Variants in CACNA1B observed in about 807,000 individuals in gnomAD.
The protein encoded by CACNA1B is calcium voltage-gated channel subunit alpha1 B.
In CACNA1B, 70 loss-of-function variants were observed where a neutral mutation model predicts 247.2. The ratio of observed to expected loss-of-function variants is 0.28; its 90% confidence interval spans 0.23 to 0.35. CACNA1B has a LOEUF of 0.35. CACNA1B is among the 10% of genes least tolerant of loss of function. The probability of loss-of-function intolerance (pLI) is 1.00; values close to 1 mark genes in which losing one functional copy is unlikely to be tolerated. For missense variants in CACNA1B, 2,367 were observed against 3,197.4 expected, an observed-to-expected ratio of 0.74 and a Z score of 6.26; for synonymous variants, 1,231 against 1,294.4, an observed-to-expected ratio of 0.95 and a Z score of 1.05.
In CACNA1B at chr9:137,969,828, C is replaced by A. The variant is rs1310120151; in HGVS notation, c.1334-1555C>A. 3.9e-5 allele frequency among the ~76,000 whole-genome samples: 6 copies of A among 152,220 alleles called. No homozygotes were observed. In the South Asian group the frequency reaches 1.2e-3, roughly 32 times the overall value. ...TGGGCTTGTTCTGTGCACAGCTCTG[C>A]CTGTGTGTGTGCCCCTCCTTATCTG... On this transcript the variant is annotated intron_variant, in intron 10 of 46. Coordinates refer to ENST00000371372, the MANE Select transcript of CACNA1B (RefSeq NM_000718.4).
At chr9:137,935,926 G>A (rs1452769927) in intron 6 of CACNA1B, among the ~76,000 whole-genome samples, 1 of 152,082 alleles carries the variant, frequency 6.6e-6, no homozygotes, top group African/African-American at 2.4e-5. Flanking sequence ...GCACGATCTC[G>A]GCTCACTGCA....
intron 22 of CACNA1B, among the ~76,000 whole-genome samples, 151 bp downstream of exon 22, chr9:138,047,184 C>G (rs1217716960): frequency 6.6e-6 from 1 of 152,176 alleles, no homozygotes; most frequent in African/African-American, 2.4e-5. Flanking sequence ...CAGTGCACGA[C>G]CAAAGGTCTG....
chr9:137,895,557 A>AT (rs1957163190), intron 3 of CACNA1B, among the ~76,000 whole-genome samples: 1 of 152,220 alleles, frequency 6.6e-6, no homozygotes, highest in African/African-American at 2.4e-5. Flanking sequence ...CAAGTCCTGT[A>AT]CATGTTTTGT....
chr9:137,996,130 C>T lies in CACNA1B; in HGVS notation c.1974+9276C>T, dbSNP rs569028606. ...TAAAGAACTAAAAGTATATCTACCA[C>T]CATTTGATCAGCAATCCCACTTCTA... On this transcript the variant is annotated intron_variant, in intron 15 of 46. Transcript: ENST00000371372. Among the ~76,000 whole-genome samples, 3 of 152,264 alleles carry T rather than the reference C, an allele frequency of 2.0e-5. No homozygotes were observed. In the East Asian group the frequency reaches 5.8e-4, roughly 29 times the overall value.
chr9:138,085,492 A>C (rs1012702755), intron 36 of CACNA1B, among the ~76,000 whole-genome samples: 3 of 151,290 alleles, frequency 2.0e-5, no homozygotes, highest in Non-Finnish European at 4.4e-5. Flanking sequence ...GAAAATTCCC[A>C]AGTCTGGGGA....
chr9:138,052,824 CA>C lies in CACNA1B; in HGVS notation c.3807+637del, dbSNP rs1409254309. Among the ~76,000 whole-genome samples, 1 of 152,192 alleles carries C rather than the reference CA, an allele frequency of 6.6e-6. No individual in the cohort carries two copies. The highest frequency in any genetic ancestry group is 2.4e-5 in the African/African-American group (1 of 41,438). ...GAAGGCGTCGGAGGCCCACTGGGTC[CA>C]GGGAGGAGTGGCACCTGCCCTGGCA... is the stretch of plus-strand genomic sequence containing the variant. On this transcript the variant is annotated intron_variant, in intron 25 of 46. Coordinates refer to ENST00000371372, the MANE Select transcript of CACNA1B (RefSeq NM_000718.4). The surrounding 1 kb of genome is among the most constrained non-coding windows in gnomAD (Gnocchi z 5.1).
rs1022441268 is a variant in CACNA1B at position 138,100,300 on chromosome 9, A to G, written c.5223-2411A>G. Among the ~76,000 whole-genome samples, 1 of 152,196 alleles carries G rather than the reference A, an allele frequency of 6.6e-6. No homozygotes were observed. Among genetic ancestry groups the G allele is most frequent in the Non-Finnish European group, 1.5e-5 (1 of 68,028 alleles). Reference sequence around the variant, plus strand: ...AGAAAGGCATTGAAATTGGTTGAACAAGTCGCTTTGATTTTGCGTTGTAGA... The same window carrying G: ...AGAAAGGCATTGAAATTGGTTGAACGAGTCGCTTTGATTTTGCGTTGTAGA... On this transcript the variant is annotated intron_variant, in intron 37 of 46. Transcript: ENST00000371372. The surrounding 1 kb of genome is among the most constrained non-coding windows in gnomAD (Gnocchi z 4.6).
At chr9:138,069,720 A>G (rs1049421753) in intron 31 of CACNA1B, 38 bp from the exon 32 acceptor site, 32 of 1,563,742 alleles carry the variant, frequency 2.0e-5, no homozygotes, top group Non-Finnish European at 2.5e-5. Context: ...ATTTGTAAAT[A>G]ATATGCAAAT....
intron 15 of CACNA1B, among the ~76,000 whole-genome samples, chr9:137,998,801 T>C (rs1958530112): frequency 6.6e-6 from 1 of 152,142 alleles, no homozygotes; most frequent in South Asian, 2.1e-4. Flanking sequence ...AAATAAAAAC[T>C]TTACCATCTT....
At chr9:138,002,859 G>A (rs1288818195) in intron 15 of CACNA1B, among the ~76,000 whole-genome samples, 2 of 151,164 alleles carry the variant, frequency 1.3e-5, no homozygotes, top group African/African-American at 4.9e-5. Flanking sequence ...GGAGTGCAGT[G>A]GTGTGATCTT....
intron 6 of CACNA1B, among the ~76,000 whole-genome samples, chr9:137,949,073 T>TG (rs1957836509): frequency 2.9e-5 from 2 of 68,730 alleles, no homozygotes; most frequent in Non-Finnish European, 6.2e-5. Context: ...GTGTGTAGTG[T>TG]GTGTGGTGTG....
chr9:137,968,601 T>C (rs1187323785), intron 10 of CACNA1B, among the ~76,000 whole-genome samples: 2 of 152,234 alleles, frequency 1.3e-5, no homozygotes, highest in African/African-American at 4.8e-5. Flanking sequence ...GGAAACACTT[T>C]CTTGTCTGTC....
In CACNA1B at chr9:138,058,636, C is replaced by T. The variant is rs775488955; in HGVS notation, c.4376C>T (p.Ser1459Leu). 5.0e-6 allele frequency: 8 copies of T among 1,613,760 alleles called. No homozygotes were observed. Among genetic ancestry groups the T allele is most frequent in the East Asian group, 2.2e-5 (1 of 44,900 alleles). The stretch of plus-strand genomic sequence containing the variant: ...CGGTACATGCCCCAAAACCGGCAGT[C>T]GTTCCAGTATAAGACGTGGACATTT... ...LTRYMPQNRQ[S>L]FQYKTWTFVV... The change falls in exon 29 of 47, where the codon TCG (serine) becomes TTG (leucine). Residue 1459 changes from serine (S) to leucine (L), a missense_variant. Transcript: ENST00000371372. This position sits in a 1 kb window ranked among gnomAD's most constrained non-coding sequence, Gnocchi z 4.7.
chr9:137,939,435 T>C (rs1957706067), intron 6 of CACNA1B, among the ~76,000 whole-genome samples: 1 of 152,038 alleles, frequency 6.6e-6, no homozygotes. Flanking sequence ...TGCAAATACA[T>C]GGAAATTAAA....
At chr9:137,933,032 G>A (rs763462088) in intron 6 of CACNA1B, among the ~76,000 whole-genome samples, 4 of 151,910 alleles carry the variant, frequency 2.6e-5, no homozygotes, top group Non-Finnish European at 4.4e-5. Flanking sequence ...TCCCAGGTTC[G>A]AGCGATTCTT....
rs189991983 is a variant in CACNA1B, at chr9:137,922,986, A to G, written c.966+5555A>G. ...CGGCAACCACTAATCTGTTTGCCAT[A>G]TCTATAATTTAGTCATTTTGAGAAT... On this transcript the variant is annotated intron_variant, in intron 6 of 46. Coordinates refer to ENST00000371372, the MANE Select transcript of CACNA1B (RefSeq NM_000718.4). 2.0e-5 allele frequency among the ~76,000 whole-genome samples: 3 copies of G among 152,268 alleles called. No individual in the cohort carries two copies. In the East Asian group the frequency reaches 5.8e-4, roughly 29 times the overall value.
Position 138,050,250 on chromosome 9 carries a change from C to T in CACNA1B, c.3710+935C>T, listed in dbSNP as rs1204591923. ...TCCCCGGCCAGGGGTTCCTGCCATGCCTCTGGGAGCGGGGCGGGGAGCTGG... is the reference window on the plus strand; with the variant it reads ...TCCCCGGCCAGGGGTTCCTGCCATGTCTCTGGGAGCGGGGCGGGGAGCTGG... On this transcript the variant is annotated intron_variant, in intron 24 of 46. Coordinates refer to ENST00000371372, the MANE Select transcript of CACNA1B (RefSeq NM_000718.4). This position sits in a 1 kb window ranked among gnomAD's most constrained non-coding sequence, Gnocchi z 5.2. 6.6e-6 allele frequency among the ~76,000 whole-genome samples: 1 copy of T among 152,192 alleles called. No homozygotes were observed. The highest frequency in any genetic ancestry group is 1.5e-5 in the Non-Finnish European group (1 of 68,032).
chr9:138,079,742 CAAAAAAA>C (rs141292393), intron 36 of CACNA1B, among the ~76,000 whole-genome samples: 4 of 41,834 alleles, frequency 9.6e-5, no homozygotes, highest in South Asian at 1.1e-3. Context: ...GACTCCATCT[CAAAAAAA>C]AAAAAAAAAA....
Position 138,012,473 on chromosome 9 carries a change from G to C in CACNA1B, c.2161-656G>C, listed in dbSNP as rs988805501. ...ACAGACAAGCTGAAGGCCAGGCATG[G>C]TAGCTAACACCTGTACTCCCAGCAC... On this transcript the variant is annotated intron_variant, in intron 17 of 46. Coordinates refer to ENST00000371372, the MANE Select transcript of CACNA1B (RefSeq NM_000718.4). The surrounding 1 kb of genome is among the most constrained non-coding windows in gnomAD (Gnocchi z 4.2). Among the ~76,000 whole-genome samples, 3 of 152,140 alleles carry C rather than the reference G, an allele frequency of 2.0e-5. No individual in the cohort carries two copies. The highest frequency in any genetic ancestry group is 1.5e-5 in the Non-Finnish European group (1 of 68,026).
Sources: gnomAD v4.1 joint callset for allele counts (sites outside exome capture counted in the v4.1 genomes callset) on GRCh38, gnomAD v4.1.1 for gene constraint, Gnocchi (gnomAD v3.1) non-coding constraint, MANE v1.5 for transcripts, NCBI Gene and HGNC (gene_info 2026-07-23, HGNC 2026-07-21) for gene names.